PAK1: variants seen among roughly 807,000 people sequenced by gnomAD.
The protein encoded by PAK1 is serine/threonine-protein kinase PAK 1.
A neutral mutation model predicts 67.4 loss-of-function variants in PAK1; 29 were observed. That is an observed-to-expected ratio of 0.43 (90% CI 0.32 to 0.59). The LOEUF (loss-of-function observed/expected upper bound fraction) is 0.59, where lower values mean the gene tolerates loss of function less well. Among genes scored for constraint, PAK1 ranks in the 20% least tolerant of loss-of-function variants. PAK1 has a pLI of 0.07. For missense variants in PAK1, 337 were observed against 670.7 expected (o/e 0.50, Z 5.50); for synonymous variants, 223 against 237.4 (o/e 0.94, Z 0.56).
the PAK1 span, among the ~76,000 whole-genome samples, chr11:77,506,305 C>T: frequency 1.3e-5 from 2 of 152,160 alleles, no homozygotes; most frequent in African/African-American, 4.8e-5. Context: ...GAGGTTGGAG[C>T]TGTTATTACT....
intron 10 of PAK1, 72 bp from the exon 11 acceptor site, chr11:77,340,835 G>A (rs2136239389): frequency 2.3e-6 from 2 of 853,288 alleles, no homozygotes; most frequent in Non-Finnish European, 4.1e-6. Flanking sequence ...GGTTTCAAAG[G>A]CTAAGCATAT....
the PAK1 span, among the ~76,000 whole-genome samples, chr11:77,497,117 C>G: frequency 1.3e-5 from 2 of 152,024 alleles, no homozygotes; most frequent in East Asian, 1.9e-4. Flanking sequence ...TATAGAGGAG[C>G]AGGACAGGGT....
chr11:77,455,087 C>T (rs1292732841), intron 1 of PAK1, among the ~76,000 whole-genome samples: 1 of 152,120 alleles, frequency 6.6e-6, no homozygotes, highest in Non-Finnish European at 1.5e-5. Context: ...TGGAAGCCGG[C>T]TTGTGGATAA....
chr11:77,505,838 A>T, the PAK1 span, among the ~76,000 whole-genome samples: 1 of 152,228 alleles, frequency 6.6e-6, no homozygotes, highest in Non-Finnish European at 1.5e-5. Context: ...TTTTAAATAA[A>T]CAGTGACAAG....
chr11:77,344,438 G>T (rs111512814), intron 9 of PAK1, among the ~76,000 whole-genome samples: 47 of 152,286 alleles, frequency 3.1e-4, no homozygotes, highest in East Asian at 2.5e-3. Context: ...AGTTGATCAG[G>T]TTAAGAAAGA....
chr11:77,427,518 C>A (rs1955613496), intron 1 of PAK1, among the ~76,000 whole-genome samples: 2 of 152,110 alleles, frequency 1.3e-5, no homozygotes, highest in Admixed American at 6.5e-5. Flanking sequence ...GTAGTCAGAG[C>A]CTCTCAGACC....
At chr11:77,523,702 G>A in the PAK1 span, among the ~76,000 whole-genome samples, 4 of 152,164 alleles carry the variant, frequency 2.6e-5, no homozygotes, top group Non-Finnish European at 5.9e-5. Flanking sequence ...ACAGGCATAA[G>A]CCACCACACC....
chr11:77,374,382 A>AG lies in PAK1; in HGVS notation c.440-18_440-17insC. On this transcript the variant is annotated splice_polypyrimidine_tract_variant and intron_variant, in intron 4 of 14. Transcript: ENST00000356341. The stretch of plus-strand genomic sequence containing the variant: ...CTGACTTATCTGCACAGGAAGAAAA[A>AG]CAAGGGACTTAGTCAATAACAGTTA... 1.9e-6 allele frequency: 3 copies of AG among 1,572,692 alleles called. No individual in the cohort carries two copies. Among genetic ancestry groups the AG allele is most frequent in the Non-Finnish European group, 2.6e-6 (3 of 1,143,020 alleles).
intron 14 of PAK1, among the ~76,000 whole-genome samples, chr11:77,325,783 T>C (rs1299081256): frequency 2.6e-5 from 4 of 152,210 alleles, no homozygotes; most frequent in African/African-American, 9.6e-5. Flanking sequence ...AATAGGCCAG[T>C]ATGCCATAAT....
At chr11:77,385,434 T>C (rs1363833835) in intron 2 of PAK1, among the ~76,000 whole-genome samples, 1 of 152,244 alleles carries the variant, frequency 6.6e-6, no homozygotes, top group Non-Finnish European at 1.5e-5. Flanking sequence ...TCTCACATCA[T>C]GCCAAGCATC....
At chr11:77,423,078 A>C (rs1955356313) in intron 1 of PAK1, among the ~76,000 whole-genome samples, 1 of 152,098 alleles carries the variant, frequency 6.6e-6, no homozygotes, top group South Asian at 2.1e-4. Flanking sequence ...TTACAGCTGA[A>C]AATATTTCTA....
the PAK1 span, among the ~76,000 whole-genome samples, chr11:77,528,533 T>C: frequency 6.6e-6 from 1 of 152,178 alleles, no homozygotes; most frequent in Non-Finnish European, 1.5e-5. Flanking sequence ...TTGGTAGAGA[T>C]GAAGCCTTGC....
intron 11 of PAK1, among the ~76,000 whole-genome samples, chr11:77,337,796 G>C (rs563062050): frequency 6.6e-6 from 1 of 152,146 alleles, no homozygotes; most frequent in Admixed American, 6.6e-5. Context: ...AACAAATAAG[G>C]GTCATATTTG....
intron 9 of PAK1, chr11:77,347,127 T>C (rs1944551240): frequency 4.4e-6 from 2 of 454,608 alleles, no homozygotes; most frequent in African/African-American, 4.0e-5. Context: ...TTAGCCACCC[T>C]GATGGACTCC....
intron 7 of PAK1, among the ~76,000 whole-genome samples, chr11:77,354,436 A>G (rs1428892024): frequency 6.6e-6 from 1 of 152,208 alleles, no homozygotes; most frequent in Non-Finnish European, 1.5e-5. Context: ...TAAAAATGAG[A>G]AAAATGAGGT....
chr11:77,326,313 A>C (rs1364925819), intron 14 of PAK1, among the ~76,000 whole-genome samples: 5 of 152,198 alleles, frequency 3.3e-5, no homozygotes, highest in African/African-American at 1.2e-4. Flanking sequence ...ACTCTCAATA[A>C]GTAGAGTATC....
chr11:77,445,602 A>C (rs967630075), intron 1 of PAK1, among the ~76,000 whole-genome samples: 1 of 152,244 alleles, frequency 6.6e-6, no homozygotes, highest in Non-Finnish European at 1.5e-5. Flanking sequence ...AATGTTCAAC[A>C]ACCACTGTTG....
the PAK1 span, among the ~76,000 whole-genome samples, chr11:77,506,773 G>A: frequency 6.6e-6 from 1 of 152,098 alleles, no homozygotes; most frequent in Non-Finnish European, 1.5e-5. Flanking sequence ...TATTAAAGTG[G>A]GGCCAGGGAT....
chr11:77,441,433 T>C (rs2138440633), intron 1 of PAK1, among the ~76,000 whole-genome samples: 1 of 152,306 alleles, frequency 6.6e-6, no homozygotes, highest in East Asian at 1.9e-4. Flanking sequence ...TTTTGTAAAG[T>C]CTCTCTACCT....
Sources: gnomAD v4.1 joint callset for allele counts (sites outside exome capture counted in the v4.1 genomes callset) on GRCh38, gnomAD v4.1.1 for gene constraint, MANE v1.5 for transcripts, NCBI Gene and HGNC (gene_info 2026-07-23, HGNC 2026-07-21) for gene names.